UTP11: variants seen among roughly 807,000 people sequenced by gnomAD.
UTP11 encodes probable U3 small nucleolar RNA-associated protein 11.
In UTP11, 29 loss-of-function variants were observed where a neutral mutation model predicts 39.0. The ratio of observed to expected loss-of-function variants is 0.74; its 90% CI spans 0.55 to 1.01. The LOEUF (loss-of-function observed/expected upper bound fraction) is 1.01. UTP11 is among the 50% of genes least tolerant of loss of function. The pLI, the probability that UTP11 is intolerant of heterozygous loss-of-function variation, is 0.00. For synonymous variants in UTP11, 111 were observed against 105.0 expected, an observed-to-expected ratio of 1.06 and a Z score of -0.35; for missense variants, 281 against 306.0, an observed-to-expected ratio of 0.92 and a Z score of 0.61.
intron 6 of UTP11, among the ~76,000 whole-genome samples, chr1:38,019,798 A>T (rs1460877253): frequency 6.6e-6 from 1 of 152,124 alleles, no homozygotes; most frequent in Non-Finnish European, 1.5e-5. Context: ...ATAATTATTT[A>T]TTTATGGAAA....
At chr1:38,017,637 T>TTG (rs1570499874) in intron 2 of UTP11, 31 bp from the exon 3 acceptor site, 1 of 1,419,498 alleles carries the variant, frequency 7.0e-7, no homozygotes. Context: ...TTTTTTTTTT[T>TTG]GCTATGAACC....
chr1:38,019,450 T>G (rs1437721384), intron 6 of UTP11, 67 bp downstream of exon 6: 15 of 1,366,440 alleles, frequency 1.1e-5, no homozygotes, highest in Non-Finnish European at 1.3e-5. Flanking sequence ...TTTGTTTTTT[T>G]TTTTTTGCTA....
At position 38,023,790 on chromosome 1, in the gene UTP11, C is replaced by T. The variant is rs955437236; in HGVS notation, c.*162C>T. 1 of 499,226 alleles carries T rather than the reference C, an allele frequency of 2.0e-6. No individual in the cohort carries two copies. Among genetic ancestry groups the T allele is most frequent in the Non-Finnish European group, 3.4e-6 (1 of 290,268 alleles). 30.9% of individuals were successfully genotyped at this position (499,226 alleles called of 1,614,324 possible). ...CTTTCTATGGACAACATTAAATCTC[C>T]CTCCCTTCTGTAATTGTTTTTGGAT... On this transcript the variant is annotated 3_prime_UTR_variant, in exon 8 of 8. Coordinates refer to ENST00000373014, the MANE Select transcript of UTP11 (RefSeq NM_016037.4).
intron 6 of UTP11, among the ~76,000 whole-genome samples, chr1:38,020,541 A>T (rs1216458291): frequency 3.9e-5 from 6 of 152,096 alleles, no homozygotes; most frequent in Admixed American, 2.0e-4. Context: ...CTTCTGACTG[A>T]TTCATTAAAA....
At chr1:38,020,893 G>T (rs779315396) in intron 6 of UTP11, among the ~76,000 whole-genome samples, 2 of 151,806 alleles carry the variant, frequency 1.3e-5, no homozygotes, top group Non-Finnish European at 2.9e-5. Context: ...GAGTGTTCTT[G>T]TGATAACCCT....
At chr1:38,016,246 G>T (rs1279333199) in intron 1 of UTP11, 113 bp from the exon 2 acceptor site, 6 of 1,067,626 alleles carry the variant, frequency 5.6e-6, no homozygotes, top group Non-Finnish European at 8.6e-6. Context: ...TAGCTCCAAG[G>T]ACTGGATTTA....
At chr1:38,018,372 A>G (rs368959038) in intron 3 of UTP11, 92 bp from the exon 4 acceptor site, 4 of 906,122 alleles carry the variant, frequency 4.4e-6, no homozygotes, top group Admixed American at 2.4e-5. Context: ...CACTTGGCCT[A>G]TGGTTGTCTT....
At position 38,016,452 on chromosome 1, in the gene UTP11, C is replaced by T; in HGVS notation, c.125+32C>T. The T allele has an allele frequency of 1.9e-6, 3 of 1,611,574 alleles. No homozygotes were observed. The South Asian group carries it at 3.3e-5, about 18-fold the overall frequency. On this transcript the variant is annotated intron_variant, in intron 2 of 7. Transcript: ENST00000373014. Reference sequence around the variant, plus strand: ...TCAGTCTTTCTGGTAGAGGCGCTGCCAAGAAAGCTTACAACCTCCTTGCAC... The same window carrying T: ...TCAGTCTTTCTGGTAGAGGCGCTGCTAAGAAAGCTTACAACCTCCTTGCAC...
At chr1:38,018,876 G>A (rs1470139776) in intron 4 of UTP11, among the ~76,000 whole-genome samples, 183 bp from the exon 5 acceptor site, 5 of 152,130 alleles carry the variant, frequency 3.3e-5, no homozygotes, top group Non-Finnish European at 4.4e-5. Flanking sequence ...GATTAAGTGC[G>A]TCTTGGGAAG....
At chr1:38,020,951 T>A (rs1489154465) in intron 6 of UTP11, among the ~76,000 whole-genome samples, 1 of 151,750 alleles carries the variant, frequency 6.6e-6, no homozygotes, top group Non-Finnish European at 1.5e-5. Context: ...AGACGGAGTC[T>A]CACTCTGTCA....
At chr1:38,016,603 A>G in intron 2 of UTP11, 183 bp downstream of exon 2, 1 of 600,498 alleles carries the variant, frequency 1.7e-6, no homozygotes, top group Non-Finnish European at 3.0e-6. Flanking sequence ...GTTTAGGCAG[A>G]TCATTATTTA....
At chr1:38,015,062 G>A (rs949301790) in intron 1 of UTP11, among the ~76,000 whole-genome samples, 3 of 152,088 alleles carry the variant, frequency 2.0e-5, no homozygotes, top group Admixed American at 6.5e-5. Flanking sequence ...TCGCCCTGTT[G>A]CCCAGGCTGG....
intron 2 of UTP11, chr1:38,017,174 A>G (rs1379708899): frequency 6.5e-6 from 1 of 152,770 alleles, no homozygotes. Flanking sequence ...TGAAATTGGG[A>G]TTCAGGATGG....
Position 38,012,772 on chromosome 1 carries a change from C to T in UTP11, c.-31C>T, listed in dbSNP as rs372403373. 1.9e-6 allele frequency: 3 copies of T among 1,614,056 alleles called. No homozygotes were observed. Among genetic ancestry groups the T allele is most frequent in the Admixed American group, 1.7e-5 (1 of 60,030 alleles). Reference sequence around the variant, plus strand: ...GCAGAGGCAGTGCGGATCCGGCGTTCTCCACTGATCTTTTCCAAGGCTGTA... The same window carrying T: ...GCAGAGGCAGTGCGGATCCGGCGTTTTCCACTGATCTTTTCCAAGGCTGTA... On this transcript the variant is annotated 5_prime_UTR_variant, in exon 1 of 8. Transcript: ENST00000373014.
chr1:38,017,124 C>T (rs1274732050), intron 2 of UTP11: 2 of 152,272 alleles, frequency 1.3e-5, no homozygotes, highest in Non-Finnish European at 2.9e-5. Flanking sequence ...TCCCAACAAC[C>T]TTCTGGGATG....
At chr1:38,018,083 T>G (rs1056576437) in intron 3 of UTP11, among the ~76,000 whole-genome samples, 33 of 152,106 alleles carry the variant, frequency 2.2e-4, no homozygotes, top group African/African-American at 8.0e-4. Flanking sequence ...TTTTGTTTTT[T>G]TTTTTGAGAT....
At chr1:38,019,450 T>TG in intron 6 of UTP11, 67 bp downstream of exon 6, 1 of 1,366,558 alleles carries the variant, frequency 7.3e-7, no homozygotes. Flanking sequence ...TTTGTTTTTT[T>TG]TTTTTTGCTA....
intron 3 of UTP11, 139 bp from the exon 4 acceptor site, chr1:38,018,325 T>G (rs1646717586): frequency 5.6e-6 from 3 of 538,802 alleles, no homozygotes; most frequent in Non-Finnish European, 1.0e-5. Flanking sequence ...CCCATCTCGG[T>G]CTCCCAAAGT....
chr1:38,021,073 C>G (rs1646734261), intron 6 of UTP11, among the ~76,000 whole-genome samples: 1 of 152,160 alleles, frequency 6.6e-6, no homozygotes, highest in African/African-American at 2.4e-5. Flanking sequence ...AGGTGCCCGC[C>G]ACCACGCCTG....
Sources: allele counts gnomAD v4.1 joint callset (sites outside exome capture counted in the v4.1 genomes callset), GRCh38; gene constraint gnomAD v4.1.1; transcripts MANE v1.5; gene names NCBI Gene and HGNC (gene_info 2026-07-23, HGNC 2026-07-21).